Variants in PTPRD observed in about 807,000 individuals in gnomAD.
PTPRD encodes receptor-type tyrosine-protein phosphatase delta.
Under a neutral mutation model 214.5 loss-of-function variants are expected in PTPRD, and 34 were observed. The ratio of observed to expected loss-of-function variants is 0.16; its 90% CI spans 0.12 to 0.21. PTPRD has a LOEUF of 0.21. Among genes scored for constraint, PTPRD ranks in the 10% least tolerant of loss-of-function variants. PTPRD has a pLI of 1.00. For synonymous variants in PTPRD, 1,128 were observed against 845.7 expected (o/e 1.33, Z -5.79); for missense variants, 2,545 against 2,398.7 (o/e 1.06, Z -1.27).
chr9:10,504,659 T>G (rs79317484), intron 2 of PTPRD, among the ~76,000 whole-genome samples: 3,642 of 152,200 alleles, frequency 0.024, 140 homozygotes, highest in East Asian at 0.17. Flanking sequence ...ACAGGACACT[T>G]CCTTTTATCA....
At chr9:10,563,992 A>G (rs545544949) in intron 2 of PTPRD, among the ~76,000 whole-genome samples, 15 of 151,426 alleles carry the variant, frequency 9.9e-5, no homozygotes, top group African/African-American at 3.4e-4. Flanking sequence ...TGTTTCCCCT[A>G]CCTACATCCT....
intron 10 of PTPRD, among the ~76,000 whole-genome samples, chr9:9,166,788 A>G (rs66514248): frequency 0.18 from 26,919 of 152,014 alleles, 2,442 homozygotes; most frequent in Middle Eastern, 0.21. Flanking sequence ...CCTCTCCCCA[A>G]AAGAAATCTT....
chr9:9,806,034 A>G (rs1192203329), intron 5 of PTPRD, among the ~76,000 whole-genome samples: 2 of 152,220 alleles, frequency 1.3e-5, no homozygotes, highest in African/African-American at 2.4e-5. Context: ...TGCAAAAGCC[A>G]TTACATATAA....
chr9:10,194,331 TATATATATATATATAGAGAGAG>T (rs1314443797), intron 3 of PTPRD, among the ~76,000 whole-genome samples: 14 of 61,804 alleles, frequency 2.3e-4, no homozygotes, highest in South Asian at 1.4e-3. Flanking sequence ...TATATATATA[TATATATATATATATAGAGAGAG>T]AGAGAGAGAG....
At chr9:10,510,899 T>C (rs575617684) in intron 2 of PTPRD, among the ~76,000 whole-genome samples, 6 of 152,124 alleles carry the variant, frequency 3.9e-5, no homozygotes, top group Non-Finnish European at 7.4e-5. Context: ...TTCTATTCAC[T>C]ACCTCCATGA....
At chr9:10,165,829 T>C (rs2099155688) in intron 3 of PTPRD, among the ~76,000 whole-genome samples, 1 of 151,148 alleles carries the variant, frequency 6.6e-6, no homozygotes, top group African/African-American at 2.4e-5. Flanking sequence ...ATCATGTTTA[T>C]GTATTTGTAG....
chr9:9,944,178 T>G (rs1003269006), intron 4 of PTPRD, among the ~76,000 whole-genome samples: 1 of 152,148 alleles, frequency 6.6e-6, no homozygotes, highest in Non-Finnish European at 1.5e-5. Context: ...CTTTCCTGTT[T>G]GCCCATTCTT....
rs140728325 is a variant in PTPRD at position 8,983,629 on chromosome 9, C to A, written c.-104+35068G>T. Among the ~76,000 whole-genome samples the A allele has an allele frequency of 1.5e-3, 227 of 152,154 alleles. 3 individuals are homozygous for A. The highest frequency in any genetic ancestry group is 0.014 in the Middle Eastern group (4 of 294). ...GCTCAAGCAATCCTCCTGCCTCAGC[C>A]TCCAGGGAAGCTAGGACTGCATGTG... On this transcript the variant is annotated intron_variant, in intron 11 of 45. Transcript: ENST00000381196.
chr9:9,377,719 T>C (rs1362361726), intron 9 of PTPRD, among the ~76,000 whole-genome samples: 1 of 151,804 alleles, frequency 6.6e-6, no homozygotes, highest in African/African-American at 2.4e-5. Flanking sequence ...AGCGGAAAAA[T>C]GTTGGCACAG....
At chr9:8,393,847 G>A (rs192464584) in intron 36 of PTPRD, among the ~76,000 whole-genome samples, 1 of 152,192 alleles carries the variant, frequency 6.6e-6, no homozygotes, top group Admixed American at 6.5e-5. Flanking sequence ...TATTTCCTCA[G>A]TTAATGAACT....
chr9:8,439,786 G>T (rs1049514260), intron 34 of PTPRD, among the ~76,000 whole-genome samples: 1 of 152,010 alleles, frequency 6.6e-6, no homozygotes, highest in Non-Finnish European at 1.5e-5. Flanking sequence ...GATTTTGAAT[G>T]AAAAGGTAGA....
chr9:9,009,166 T>C (rs973170641), intron 11 of PTPRD, among the ~76,000 whole-genome samples: 1 of 152,116 alleles, frequency 6.6e-6, no homozygotes, highest in Non-Finnish European at 1.5e-5. Context: ...TTCCAATATC[T>C]ATCTCAATAT....
chr9:9,988,348 C>T (rs910516182), intron 4 of PTPRD, among the ~76,000 whole-genome samples: 1 of 152,130 alleles, frequency 6.6e-6, no homozygotes, highest in Non-Finnish European at 1.5e-5. Context: ...GAAGTTCAGA[C>T]TTGAAAACTG....
At chr9:8,740,358 T>C (rs1276418331) in intron 11 of PTPRD, among the ~76,000 whole-genome samples, 1 of 152,182 alleles carries the variant, frequency 6.6e-6, no homozygotes, top group Non-Finnish European at 1.5e-5. Context: ...TCTATAGACA[T>C]AAAGGACAAG....
chr9:8,446,261 A>G (rs539364103), intron 34 of PTPRD, among the ~76,000 whole-genome samples: 75 of 152,306 alleles, frequency 4.9e-4, no homozygotes, highest in Middle Eastern at 3.4e-3. Flanking sequence ...TTTATATGAA[A>G]TGGGGAATAT....
intron 14 of PTPRD, among the ~76,000 whole-genome samples, chr9:8,580,072 G>C (rs1468153270): frequency 6.6e-6 from 1 of 152,114 alleles, no homozygotes; most frequent in Non-Finnish European, 1.5e-5. Context: ...TTATATTAAA[G>C]GGAAAATATA....
chr9:8,895,882 G>T (rs1430743648), intron 11 of PTPRD, among the ~76,000 whole-genome samples: 3 of 152,190 alleles, frequency 2.0e-5, no homozygotes, highest in African/African-American at 7.2e-5. Flanking sequence ...TCAGAGAGAA[G>T]TTGAGCCGAA....
At chr9:8,888,018 A>T (rs2154233950) in intron 11 of PTPRD, among the ~76,000 whole-genome samples, 1 of 152,350 alleles carries the variant, frequency 6.6e-6, no homozygotes, top group Non-Finnish European at 1.5e-5. Context: ...GGGATTTTAA[A>T]TCAAATAGCT....
chr9:8,421,372 C>CTCTTCTCTTCTCTTCTCTTCTCTTCTCT (rs1320344995), intron 35 of PTPRD, among the ~76,000 whole-genome samples: 8 of 147,640 alleles, frequency 5.4e-5, no homozygotes, highest in Admixed American at 3.4e-4. Flanking sequence ...CTCTTCTCTT[C>CTCTTCTCTTCTCTTCTCTTCTCTTCTCT]TCTCTCTCTC....
Sources: allele counts gnomAD v4.1 joint callset (sites outside exome capture counted in the v4.1 genomes callset), GRCh38; gene constraint gnomAD v4.1.1; transcripts MANE v1.5; gene names NCBI Gene and HGNC (gene_info 2026-07-23, HGNC 2026-07-21).